Variants in C12orf42 observed in about 807,000 individuals in gnomAD.
C12orf42 encodes the protein chromosome 12 open reading frame 42.
Under a neutral mutation model 21.6 loss-of-function variants are expected in C12orf42, and 25 were observed. The ratio of observed to expected loss-of-function variants is 1.16; its 90% CI spans 0.84 to 1.62. C12orf42 has a LOEUF of 1.62. Among genes scored for constraint, C12orf42 ranks in the 40% most tolerant of loss-of-function variants. The pLI is 0.00. For synonymous variants in C12orf42, 174 were observed against 175.0 expected (o/e 0.99, Z 0.05); for missense variants, 483 against 459.3 (o/e 1.05, Z -0.47).
At chr12:103,296,479 C>T (rs907948101) in intron 4 of C12orf42, among the ~76,000 whole-genome samples, 2 of 152,192 alleles carry the variant, frequency 1.3e-5, no homozygotes, top group Non-Finnish European at 1.5e-5. Context: ...GTCCCACCAA[C>T]AGTGTAAAAG....
chr12:103,287,339 T>C (rs549988470), intron 4 of C12orf42, among the ~76,000 whole-genome samples: 59 of 152,142 alleles, frequency 3.9e-4, no homozygotes, highest in African/African-American at 1.4e-3. Context: ...ATTAAGAAAA[T>C]GTGGCACATA....
intron 2 of C12orf42, among the ~76,000 whole-genome samples, chr12:103,411,811 C>T (rs1781924473): frequency 6.6e-6 from 1 of 152,136 alleles, no homozygotes; most frequent in Non-Finnish European, 1.5e-5. Context: ...TTACAGCATC[C>T]TGAACAGACT....
At chr12:103,128,651 T>C in the C12orf42 span, among the ~76,000 whole-genome samples, 1 of 152,186 alleles carries the variant, frequency 6.6e-6, no homozygotes, top group Non-Finnish European at 1.5e-5. Flanking sequence ...TTGTAAAGTT[T>C]AGAGGTGATA....
intron 2 of C12orf42, among the ~76,000 whole-genome samples, chr12:103,474,441 CATGT>C (rs145268587): frequency 2.1e-4 from 31 of 144,192 alleles, no homozygotes; most frequent in African/African-American, 7.8e-4. Context: ...TGTATGTATA[CATGT>C]ATGTATGTAT....
chr12:103,547,182 T>C, the C12orf42 span, among the ~76,000 whole-genome samples: 1 of 152,194 alleles, frequency 6.6e-6, no homozygotes, highest in African/African-American at 2.4e-5. Context: ...TATGTTTCCT[T>C]CCCATGTCTA....
At chr12:103,169,585 C>T in the C12orf42 span, among the ~76,000 whole-genome samples, 3 of 152,110 alleles carry the variant, frequency 2.0e-5, no homozygotes, top group African/African-American at 7.2e-5. Flanking sequence ...CCTCCAGTGT[C>T]AGTGCTCTTA....
At chr12:103,220,366 G>A in the C12orf42 span, among the ~76,000 whole-genome samples, 1 of 151,904 alleles carries the variant, frequency 6.6e-6, no homozygotes, top group African/African-American at 2.4e-5. Flanking sequence ...TACACGTTCT[G>A]CACATGTATC....
the C12orf42 span, among the ~76,000 whole-genome samples, chr12:103,152,540 A>G: frequency 2.0e-5 from 3 of 152,206 alleles, no homozygotes; most frequent in African/African-American, 7.2e-5. Flanking sequence ...AAAAATGAAT[A>G]AAACTGTCAT....
the C12orf42 span, among the ~76,000 whole-genome samples, chr12:103,136,901 T>G: frequency 2.2e-4 from 33 of 152,110 alleles, no homozygotes; most frequent in Non-Finnish European, 4.7e-4. Flanking sequence ...ATTAAAGACT[T>G]AATTGTAAGA....
At chr12:103,189,971 G>GTATATATA in the C12orf42 span, among the ~76,000 whole-genome samples, 6,744 of 150,820 alleles carry the variant, frequency 0.045, 253 homozygotes, top group East Asian at 0.22. Flanking sequence ...ATATACATGT[G>GTATATATA]TATATATATA....
the C12orf42 span, among the ~76,000 whole-genome samples, chr12:103,198,706 C>T: frequency 6.6e-6 from 1 of 152,216 alleles, no homozygotes; most frequent in Non-Finnish European, 1.5e-5. Context: ...TACTCCACAC[C>T]TGCTTAACTC....
intron 4 of C12orf42, among the ~76,000 whole-genome samples, chr12:103,353,246 T>C (rs181132193): frequency 2.1e-4 from 31 of 149,672 alleles, no homozygotes; most frequent in African/African-American, 6.9e-4. Flanking sequence ...GTGGTACTCA[T>C]AGAAAATGTC....
chr12:103,512,473 T>C, the C12orf42 span, among the ~76,000 whole-genome samples: 1 of 152,202 alleles, frequency 6.6e-6, no homozygotes. Flanking sequence ...GATTGAAATG[T>C]TTCTGACACA....
chr12:103,439,107 A>G (rs964397939), intron 2 of C12orf42, among the ~76,000 whole-genome samples: 1 of 152,038 alleles, frequency 6.6e-6, no homozygotes, highest in Admixed American at 6.5e-5. Context: ...AATGCAGCAT[A>G]TCTACAACTA....
intron 2 of C12orf42, among the ~76,000 whole-genome samples, chr12:103,444,907 T>C (rs1220270354): frequency 6.6e-6 from 1 of 152,092 alleles, no homozygotes; most frequent in Non-Finnish European, 1.5e-5. Context: ...AGCTTTGATA[T>C]ATTTCTTCTA....
At chr12:103,156,141 T>C in the C12orf42 span, 1 of 152,146 alleles carries the variant, frequency 6.6e-6, no homozygotes, top group Non-Finnish European at 1.5e-5. Context: ...TCTGAAAGAT[T>C]ATCCTCTTTG....
the C12orf42 span, among the ~76,000 whole-genome samples, chr12:103,231,643 A>C: frequency 6.6e-6 from 1 of 152,128 alleles, no homozygotes; most frequent in Admixed American, 6.5e-5. Flanking sequence ...TTGGTAGCTC[A>C]CATCTTTTTA....
intron 2 of C12orf42, among the ~76,000 whole-genome samples, chr12:103,417,106 A>G (rs888458287): frequency 2.6e-5 from 4 of 152,206 alleles, no homozygotes; most frequent in Non-Finnish European, 5.9e-5. Context: ...AATATTTAGG[A>G]GACAGTCAAC....
At chr12:103,205,760 T>C in the C12orf42 span, among the ~76,000 whole-genome samples, 1 of 152,170 alleles carries the variant, frequency 6.6e-6, no homozygotes, top group Non-Finnish European at 1.5e-5. Context: ...TGGGGTATAA[T>C]CATAAAATAG....
Sources: allele counts gnomAD v4.1 joint callset (sites outside exome capture counted in the v4.1 genomes callset), GRCh38; gene constraint gnomAD v4.1.1; transcripts MANE v1.5; gene names NCBI Gene and HGNC (gene_info 2026-07-23, HGNC 2026-07-21).